PCARE: variants seen among roughly 807,000 people sequenced by gnomAD.
PCARE encodes the protein uncharacterized protein C2orf71.
Under a neutral mutation model 82.2 loss-of-function variants are expected in PCARE, and 72 were observed. The ratio of observed to expected loss-of-function variants is 0.88; its 90% CI spans 0.72 to 1.07. The LOEUF is 1.07. Ranked by LOEUF, PCARE falls within the 50% of genes least tolerant of loss-of-function variation. PCARE has a pLI of 0.00. For missense variants in PCARE, 1,768 were observed against 1,592.4 expected (o/e 1.11, Z -1.88); for synonymous variants, 705 against 634.8 (o/e 1.11, Z -1.66).
chr2:29,074,149 C>T lies in PCARE; in HGVS notation c.113G>A (p.Arg38Lys), dbSNP rs544815139. The T allele has an allele frequency of 5.0e-6, 8 of 1,612,500 alleles. No homozygotes were observed. The Admixed American group carries it at 6.7e-5, about 13-fold the overall frequency. Residue 38 changes from arginine to lysine, a missense_variant, in exon 1 of 2, where the codon AGA (arginine) becomes AAA (lysine). Transcript: ENST00000331664. ...IRPGCQGGSE[R>K]GSIPLLVKNS... ...TTTAACCAGCAAAGGGATGGAACCT[C>T]TTTCACTTCCGCCCTGACATCCTGG... is the stretch of plus-strand genomic sequence containing the variant.
At chr2:29,066,020 C>T (rs1667384849) in intron 1 of PCARE, among the ~76,000 whole-genome samples, 1 of 152,080 alleles carries the variant, frequency 6.6e-6, no homozygotes, top group Admixed American at 6.5e-5. Context: ...TAGTGGTGGA[C>T]ACCTGTAATC....
At chr2:29,065,142 A>T in intron 1 of PCARE, 75 bp from the exon 2 acceptor site, 1 of 1,480,994 alleles carries the variant, frequency 6.8e-7, no homozygotes, top group East Asian at 2.5e-5. Context: ...CCTGTCCTCC[A>T]TTCTCCCTTT....
chr2:29,065,922 G>A (rs898503404), intron 1 of PCARE, among the ~76,000 whole-genome samples: 6 of 152,178 alleles, frequency 3.9e-5, no homozygotes, highest in Middle Eastern at 3.2e-3. Flanking sequence ...CTAGGAGGGC[G>A]GATCACCTGG....
rs1667534781 is a variant in PCARE, at chr2:29,073,588, C to T, written c.674G>A (p.Cys225Tyr). 1 of 1,614,200 alleles carries T rather than the reference C, an allele frequency of 6.2e-7. No individual in the cohort carries two copies. Among genetic ancestry groups the T allele is most frequent in the Non-Finnish European group, 8.5e-7 (1 of 1,180,048 alleles). The change falls in exon 1 of 2, where the codon TGC becomes TAC. Residue 225 changes from cysteine (C) to tyrosine (Y), a missense_variant. Physicochemically the swap from Cys to Tyr is radical, Grantham distance 194 (BLOSUM62 -2). Transcript: ENST00000331664. Reference protein sequence around the residue: ...LQPMVSFLLLCFEEISQLLGE... With the variant: ...LQPMVSFLLLYFEEISQLLGE... ...CAACAGCTGGCTGATCTCCTCAAAG[C>T]ACAGCAGCAAGAAGCTGACCATGGG...
chr2:29,066,193 G>A (rs1667387061), intron 1 of PCARE, among the ~76,000 whole-genome samples: 1 of 152,162 alleles, frequency 6.6e-6, no homozygotes, highest in Non-Finnish European at 1.5e-5. Flanking sequence ...ATAGTACCCA[G>A]CTCATCAGGC....
At position 29,072,142 on chromosome 2, in the gene PCARE, G is replaced by A. The variant is rs2148415842; in HGVS notation, c.2120C>T (p.Pro707Leu). 3 of 1,614,226 alleles carry A rather than the reference G, an allele frequency of 1.9e-6. No homozygotes were observed. Among genetic ancestry groups the A allele is most frequent in the South Asian group, 1.1e-5 (1 of 91,076 alleles). Residue 707 changes from proline (P) to leucine (L), a missense_variant, in exon 1 of 2, where the codon CCA becomes CTA. Transcript: ENST00000331664. ...GGCAGCCTCACTGACCTCTCCTGAT[G>A]GGATGGCATTTGGAAGCTTCCCAGC... ...GKAGKLPNAI[P>L]SGEVSEAAKA...
chr2:29,071,264 G>A lies in PCARE; in HGVS notation c.2998C>T (p.His1000Tyr). ...CTCTTGTCTGCTTGAGGCACCCAGT[G>A]TGTCCTCGTGGGAGAGGCCTTTCTG... ...VGRKASPTRT[H>Y]WVPQADKRRR... Residue 1000 changes from histidine (H) to tyrosine (Y), a missense_variant, in exon 1 of 2, where the codon CAC (histidine) becomes TAC (tyrosine). By Grantham distance (83) the His-to-Tyr change is moderately conservative (BLOSUM62 2). Coordinates refer to ENST00000331664, the MANE Select transcript of PCARE (RefSeq NM_001029883.3). The A allele has an allele frequency of 6.2e-7, 1 of 1,613,486 alleles. No homozygotes were observed. Among genetic ancestry groups the A allele is most frequent in the African/African-American group, 1.3e-5 (1 of 75,026 alleles).
At chr2:29,068,551 A>G (rs145319466) in intron 1 of PCARE, among the ~76,000 whole-genome samples, 1 of 151,916 alleles carries the variant, frequency 6.6e-6, no homozygotes, top group African/African-American at 2.4e-5. Flanking sequence ...TTTTGTTTCT[A>G]TGCCAGGTTG....
In PCARE at chr2:29,073,583, C is replaced by G. The variant is rs114057537; in HGVS notation, c.679G>C (p.Glu227Gln). ...PMVSFLLLCF[E>Q]EISQLLGEIS... ...TCCCCCAACAGCTGGCTGATCTCCT[C>G]AAAGCACAGCAGCAAGAAGCTGACC... is the stretch of plus-strand genomic sequence containing the variant. The change falls in exon 1 of 2, where the codon GAG becomes CAG. Residue 227 changes from glutamate to glutamine, a missense_variant. Physicochemically the swap from Glu to Gln is conservative, Grantham distance 29. Transcript: ENST00000331664. The G allele has an allele frequency of 6.2e-7, 1 of 1,614,148 alleles. No individual in the cohort carries two copies.
Position 29,073,732 on chromosome 2 carries a change from G to T in PCARE, c.530C>A (p.Pro177Gln), listed in dbSNP as rs190791051. 6.2e-7 allele frequency: 1 copy of T among 1,614,186 alleles called. No individual in the cohort carries two copies. Among genetic ancestry groups the T allele is most frequent in the South Asian group, 1.1e-5 (1 of 91,076 alleles). ...AHEPEGKVDF[P>Q]EPLVKAHQQA... The stretch of plus-strand genomic sequence containing the variant: ...CTGGTGGGCCTTTACCAGAGGCTCC[G>T]GGAAGTCCACTTTGCCTTCAGGCTC... Residue 177 changes from proline to glutamine, a missense_variant, in exon 1 of 2, where the codon CCG becomes CAG. Coordinates refer to ENST00000331664, the MANE Select transcript of PCARE (RefSeq NM_001029883.3).
At chr2:29,070,388 C>G (rs565773586) in intron 1 of PCARE, among the ~76,000 whole-genome samples, 1 of 152,206 alleles carries the variant, frequency 6.6e-6, no homozygotes, top group African/African-American at 2.4e-5. Flanking sequence ...TCCTAGGCAG[C>G]TGGAATGTGT....
At position 29,073,573 on chromosome 2, in the gene PCARE, C is replaced by T. The variant is rs781200852; in HGVS notation, c.689G>A (p.Ser230Asn). ...CTTGGAGATCTCCCCCAACAGCTGG[C>T]TGATCTCCTCAAAGCACAGCAGCAA... Reference protein sequence around the residue: ...SFLLLCFEEISQLLGEISKDG... With the variant: ...SFLLLCFEEINQLLGEISKDG... Residue 230 changes from serine (S) to asparagine (N), a missense_variant, in exon 1 of 2, where the codon AGC becomes AAC. Physicochemically the swap from Ser to Asn is conservative, Grantham distance 46 (BLOSUM62 1). Coordinates refer to ENST00000331664, the MANE Select transcript of PCARE (RefSeq NM_001029883.3). The T allele has an allele frequency of 7.4e-6, 12 of 1,614,202 alleles. No homozygotes were observed. The highest frequency in any genetic ancestry group is 3.3e-4 in the Middle Eastern group (2 of 6,062).
At position 29,071,949 on chromosome 2, in the gene PCARE, G is replaced by A. The variant is rs1395293375; in HGVS notation, c.2313C>T (p.Tyr771=). 1 of 1,614,166 alleles carries A rather than the reference G, an allele frequency of 6.2e-7. No individual in the cohort carries two copies. The highest frequency in any genetic ancestry group is 1.3e-5 in the African/African-American group (1 of 75,062). The change falls in exon 1 of 2, where the codon TAC becomes TAT. Residue 771 remains tyrosine, a synonymous_variant. Coordinates refer to ENST00000331664, the MANE Select transcript of PCARE (RefSeq NM_001029883.3). ...NCIMPPRFPK[Y]TGLAPLYPKP... is the part of the protein sequence containing the mutation. ...TCGGATACAAAGGGGCAAGCCCTGT[G>A]TACTTGGGAAATCTGGGGGGCATGA...
chr2:29,073,200 A>T lies in PCARE; in HGVS notation c.1062T>A (p.Ala354=). 3 of 1,614,134 alleles carry T rather than the reference A, an allele frequency of 1.9e-6. No homozygotes were observed. The highest frequency in any genetic ancestry group is 2.5e-6 in the Non-Finnish European group (3 of 1,180,022). ...CCACCGACTGCACGGACTCATTGTCAGCACCAATGCCACTGTCCTCAGAGC... is the reference window on the plus strand; with the variant it reads ...CCACCGACTGCACGGACTCATTGTCTGCACCAATGCCACTGTCCTCAGAGC... ...PLCSEDSGIG[A]DNESVQSVDK... is the part of the protein sequence containing the mutation. The change falls in exon 1 of 2, where the codon GCT becomes GCA. Residue 354 remains alanine, a synonymous_variant. Transcript: ENST00000331664.
At position 29,071,973 on chromosome 2, in the gene PCARE, G is replaced by T. The variant is rs768595767; in HGVS notation, c.2289C>A (p.Ile763=). ...AGASPCLRNC[I]MPPRFPKYTG... ...TGTACTTGGGAAATCTGGGGGGCAT[G>T]ATGCAATTCCTGAGGCAGGGACTTG... is the stretch of plus-strand genomic sequence containing the variant. Residue 763 remains isoleucine (I), a synonymous_variant, in exon 1 of 2, where the codon ATC becomes ATA. Transcript: ENST00000331664. 3 of 1,613,972 alleles carry T rather than the reference G, an allele frequency of 1.9e-6. No homozygotes were observed. The highest frequency in any genetic ancestry group is 1.1e-5 in the South Asian group (1 of 91,074).
chr2:29,074,136 A>G lies in PCARE; in HGVS notation c.126T>C (p.Pro42=). ...AGCAGGTGGAGTTTTTAACCAGCAAAGGGATGGAACCTCTTTCACTTCCGC... is the reference window on the plus strand; with the variant it reads ...AGCAGGTGGAGTTTTTAACCAGCAAGGGGATGGAACCTCTTTCACTTCCGC... The part of the protein sequence containing the change: ...CQGGSERGSI[P]LLVKNSTCYD... Residue 42 remains proline (P), a synonymous_variant, in exon 1 of 2, where the codon CCT becomes CCC. Transcript: ENST00000331664. 2 of 1,613,976 alleles carry G rather than the reference A, an allele frequency of 1.2e-6. No individual in the cohort carries two copies. Among genetic ancestry groups the G allele is most frequent in the Non-Finnish European group, 8.5e-7 (1 of 1,179,890 alleles).
chr2:29,073,061 G>T lies in PCARE; in HGVS notation c.1201C>A (p.Pro401Thr). The change falls in exon 1 of 2, where the codon CCA becomes ACA. Residue 401 changes from proline (P) to threonine (T), a missense_variant. By Grantham distance (38) the Pro-to-Thr change is conservative. Transcript: ENST00000331664. ...RQSGHTWQQS[P>T]FCLGSGRPQD... ...GGTCTGCCTGAGCCCAAACAGAATG[G>T]ACTTTGCTGCCAGGTGTGTCCTGAC... 1 of 1,614,028 alleles carries T rather than the reference G, an allele frequency of 6.2e-7. No individual in the cohort carries two copies. Among genetic ancestry groups the T allele is most frequent in the Non-Finnish European group, 8.5e-7 (1 of 1,179,920 alleles).
rs564590023 is a variant in PCARE, at chr2:29,073,551, G to A, written c.711C>T (p.Ser237=). 10 of 1,614,128 alleles carry A rather than the reference G, an allele frequency of 6.2e-6. No individual in the cohort carries two copies. The highest frequency in any genetic ancestry group is 1.3e-5 in the African/African-American group (1 of 75,018). The change falls in exon 1 of 2, where the codon TCC becomes TCT. Residue 237 remains serine (S), a synonymous_variant. Transcript: ENST00000331664. ...EEISQLLGEI[S]KDGEVLLQEV... ...CCTGCAGGAGCACTTCTCCATCCTT[G>A]GAGATCTCCCCCAACAGCTGGCTGA...
chr2:29,074,131 A>G lies in PCARE; in HGVS notation c.131T>C (p.Leu44Pro), dbSNP rs1211032462. ...GGSERGSIPL[L>P]VKNSTCYDAG... is the part of the protein sequence containing the mutation. ...GTCATAGCAGGTGGAGTTTTTAACC[A>G]GCAAAGGGATGGAACCTCTTTCACT... is the stretch of plus-strand genomic sequence containing the variant. The change falls in exon 1 of 2, where the codon CTG becomes CCG. Residue 44 changes from leucine to proline, a missense_variant. Physicochemically the swap from Leu to Pro is moderately conservative, Grantham distance 98. Transcript: ENST00000331664. 5 of 1,613,928 alleles carry G rather than the reference A, an allele frequency of 3.1e-6. No individual in the cohort carries two copies. The highest frequency in any genetic ancestry group is 4.2e-6 in the Non-Finnish European group (5 of 1,179,928).
Sources: gnomAD v4.1 joint callset for allele counts (sites outside exome capture counted in the v4.1 genomes callset) on GRCh38, gnomAD v4.1.1 for gene constraint, MANE v1.5 for transcripts, NCBI Gene and HGNC (gene_info 2026-07-23, HGNC 2026-07-21) for gene names.